ARHGEF3: variants seen among roughly 807,000 people sequenced by gnomAD.
ARHGEF3 encodes the protein Rho guanine nucleotide exchange factor 3.
A neutral mutation model predicts 63.2 loss-of-function variants in ARHGEF3; 28 were observed. The observed-to-expected ratio is 0.44, with a 90% CI of 0.33 to 0.61. The LOEUF (loss-of-function observed/expected upper bound fraction) is 0.61, where lower values mean the gene tolerates loss of function less well. Among genes scored for constraint, ARHGEF3 ranks in the 20% least tolerant of loss-of-function variants. The pLI is 0.03. For missense variants in ARHGEF3, 533 were observed against 659.3 expected, an observed-to-expected ratio of 0.81 and a Z score of 2.10; for synonymous variants, 266 against 254.2, an observed-to-expected ratio of 1.05 and a Z score of -0.44.
chr3:56,882,150 T>C (rs2040787993), intron 4 of ARHGEF3: 3 of 724,966 alleles, frequency 4.1e-6, no homozygotes, highest in Non-Finnish European at 6.6e-6. Flanking sequence ...GTTTTTCAGT[T>C]AAAAAAAATT....
intron 8 of ARHGEF3, among the ~76,000 whole-genome samples, chr3:56,734,077 G>A (rs999567282): frequency 1.3e-5 from 2 of 151,032 alleles, no homozygotes; most frequent in East Asian, 2.0e-4. Context: ...AAAAGTTGAC[G>A]ACTGATGTGT....
chr3:56,731,492 CCA>C (rs2033154750), intron 9 of ARHGEF3: 1 of 151,748 alleles, frequency 6.6e-6, no homozygotes, highest in Admixed American at 6.6e-5. Flanking sequence ...GATCACGCCA[CCA>C]CACACCAGCC....
At chr3:56,796,476 G>A (rs145623031) in intron 1 of ARHGEF3, among the ~76,000 whole-genome samples, 135 of 152,348 alleles carry the variant, frequency 8.9e-4, no homozygotes, top group African/African-American at 3.0e-3. Context: ...CCTTGGTCTT[G>A]AGAAACACAA....
chr3:57,006,702 C>T (rs1027886186), intron 2 of ARHGEF3, among the ~76,000 whole-genome samples: 2 of 152,148 alleles, frequency 1.3e-5, no homozygotes, highest in African/African-American at 4.8e-5. Flanking sequence ...CACAACATCA[C>T]CAACACAGTC....
chr3:56,957,851 G>A (rs569373654), intron 3 of ARHGEF3, among the ~76,000 whole-genome samples: 1 of 152,304 alleles, frequency 6.6e-6, no homozygotes, highest in African/African-American at 2.4e-5. Context: ...CTCTACAGAT[G>A]CAAGTTTTGC....
chr3:56,735,582 A>G (rs1229048829), intron 8 of ARHGEF3, among the ~76,000 whole-genome samples: 1 of 152,244 alleles, frequency 6.6e-6, no homozygotes, highest in Non-Finnish European at 1.5e-5. Context: ...ACAGAAAGAT[A>G]ATAGGCTTAC....
At chr3:56,887,086 C>G (rs979801676) in intron 3 of ARHGEF3, among the ~76,000 whole-genome samples, 2 of 151,808 alleles carry the variant, frequency 1.3e-5, no homozygotes, top group African/African-American at 4.9e-5. Flanking sequence ...GTGGTCCTTT[C>G]TAGTTTTAAG....
chr3:56,732,828 CT>C (rs1166096167), intron 8 of ARHGEF3, among the ~76,000 whole-genome samples: 1 of 152,200 alleles, frequency 6.6e-6, no homozygotes, highest in Non-Finnish European at 1.5e-5. Flanking sequence ...ACTCTCTTGA[CT>C]TTAGTTTATA....
intron 3 of ARHGEF3, among the ~76,000 whole-genome samples, chr3:56,923,075 T>TATATAA (rs1560053971): frequency 9.4e-5 from 12 of 127,732 alleles, no homozygotes; most frequent in South Asian, 2.4e-4. Context: ...TATATATATA[T>TATATAA]AAATTAGTTG....
intron 8 of ARHGEF3, among the ~76,000 whole-genome samples, chr3:56,735,752 GAC>G (rs1382647800): frequency 1.3e-5 from 2 of 152,144 alleles, no homozygotes; most frequent in African/African-American, 4.8e-5. Context: ...TAGTCCCACA[GAC>G]ACACGTCTTC....
At chr3:56,857,299 C>T (rs1222763707) in intron 4 of ARHGEF3, among the ~76,000 whole-genome samples, 1 of 152,192 alleles carries the variant, frequency 6.6e-6, no homozygotes, top group African/African-American at 2.4e-5. Flanking sequence ...CTATTCACCC[C>T]GTTCATCCCC....
At chr3:56,782,293 G>A (rs1321543635) in intron 1 of ARHGEF3, among the ~76,000 whole-genome samples, 2 of 152,136 alleles carry the variant, frequency 1.3e-5, no homozygotes, top group African/African-American at 4.8e-5. Flanking sequence ...TAGGCCAAAT[G>A]TGTTTCAGAA....
intron 4 of ARHGEF3, among the ~76,000 whole-genome samples, chr3:56,843,503 G>A (rs2039385184): frequency 6.6e-6 from 1 of 151,858 alleles, no homozygotes; most frequent in African/African-American, 2.4e-5. Flanking sequence ...CTGGACTCAA[G>A]TGATCTACCT....
intron 1 of ARHGEF3, chr3:57,074,892 G>C (rs935919110): frequency 6.0e-6 from 1 of 167,456 alleles, no homozygotes; most frequent in Admixed American, 6.5e-5. Context: ...CAGCCTTCTA[G>C]TTGACCATCA....
chr3:57,049,097 C>T (rs974458248), intron 1 of ARHGEF3, among the ~76,000 whole-genome samples: 5 of 152,040 alleles, frequency 3.3e-5, no homozygotes, highest in South Asian at 2.1e-4. Context: ...GAGCCGGGCA[C>T]GGTGGCTTAT....
intron 1 of ARHGEF3, among the ~76,000 whole-genome samples, chr3:57,047,761 G>T (rs763350437): frequency 6.6e-6 from 1 of 152,222 alleles, no homozygotes; most frequent in Non-Finnish European, 1.5e-5. Flanking sequence ...GGAGCTGGAT[G>T]TAAGAGAGGA....
chr3:56,825,870 A>C (rs2038696373), intron 4 of ARHGEF3, among the ~76,000 whole-genome samples: 1 of 152,028 alleles, frequency 6.6e-6, no homozygotes. Context: ...CAATTCTCGG[A>C]GCTTATGGTT....
chr3:56,967,863 C>CATATTATATATAATATATAATAACATATT, intron 2 of ARHGEF3, among the ~76,000 whole-genome samples: 1 of 71,010 alleles, frequency 1.4e-5, no homozygotes, highest in Non-Finnish European at 2.4e-5. Flanking sequence ...TATATAATGA[C>CATATTATATATAATATATAATAACATATT]ATATATAATA....
chr3:56,869,373 T>C (rs1181523470), intron 4 of ARHGEF3, among the ~76,000 whole-genome samples: 1 of 152,238 alleles, frequency 6.6e-6, no homozygotes, highest in Admixed American at 6.5e-5. Context: ...CTGCTCATAC[T>C]GAGTCAGCTC....
Sources: gnomAD v4.1 joint callset for allele counts (sites outside exome capture counted in the v4.1 genomes callset) on GRCh38, gnomAD v4.1.1 for gene constraint, MANE v1.5 for transcripts, NCBI Gene and HGNC (gene_info 2026-07-23, HGNC 2026-07-21) for gene names.